The following RERE variants were observed in gnomAD, a reference collection of about 807,000 sequenced individuals.
RERE encodes the protein arginine-glutamic acid dipeptide repeats protein.
RERE carries 40 observed loss-of-function variants against 146.1 expected under a neutral mutation model. The observed-to-expected ratio is 0.27, with a 90% CI of 0.21 to 0.36. The LOEUF (loss-of-function observed/expected upper bound fraction) is 0.36, where lower values mean the gene tolerates loss of function less well. Ranked by LOEUF, RERE falls within the 10% of genes least tolerant of loss-of-function variation. RERE has a pLI of 1.00. For synonymous variants in RERE, 1,003 were observed against 866.0 expected, an observed-to-expected ratio of 1.16 and a Z score of -2.78; for missense variants, 1,933 against 2,138.7, an observed-to-expected ratio of 0.90 and a Z score of 1.90.
At chr1:8,470,335 T>G (rs999044104) in intron 10 of RERE, among the ~76,000 whole-genome samples, 4 of 152,172 alleles carry the variant, frequency 2.6e-5, no homozygotes, top group Admixed American at 6.5e-5. Flanking sequence ...TGATCTCGAC[T>G]CACTGCAACC....
rs1442543975 is a variant in RERE at position 8,360,186 on chromosome 1, G to A, written c.3321C>T (p.Pro1107=). ...ALDDAEEPES[P]PPPPRSPSPE... Reference sequence around the variant, plus strand: ...GGGACGGGCTCCTTGGTGGGGGAGGGGGGCTCTCAGGCTCCTCAGCGTCGT... The same window carrying A: ...GGGACGGGCTCCTTGGTGGGGGAGGAGGGCTCTCAGGCTCCTCAGCGTCGT... The change falls in exon 18 of 23, where the codon CCC becomes CCT. Residue 1107 remains proline (P), a synonymous_variant. Transcript: ENST00000400908. The A allele has an allele frequency of 1.3e-6, 2 of 1,597,668 alleles. No individual in the cohort carries two copies. The highest frequency in any genetic ancestry group is 1.7e-6 in the Non-Finnish European group (2 of 1,173,092).
chr1:8,764,324 C>T (rs567624332), intron 1 of RERE, among the ~76,000 whole-genome samples: 34 of 152,180 alleles, frequency 2.2e-4, no homozygotes, highest in Non-Finnish European at 3.8e-4. Flanking sequence ...GCCTTAGTGC[C>T]ATCGGGAAAA....
At chr1:8,765,539 C>T (rs1019065857) in intron 1 of RERE, among the ~76,000 whole-genome samples, 5 of 152,156 alleles carry the variant, frequency 3.3e-5, no homozygotes, top group Non-Finnish European at 7.3e-5. Flanking sequence ...AAACAAAAGG[C>T]CGGATGCGGT....
chr1:8,487,000 T>TAC (rs1299015483), intron 10 of RERE, among the ~76,000 whole-genome samples: 1 of 152,144 alleles, frequency 6.6e-6, no homozygotes, highest in East Asian at 1.9e-4. Context: ...GAAGGAAGAC[T>TAC]ACAACTCAGT....
At chr1:8,413,126 C>T (rs747746856) in intron 12 of RERE, among the ~76,000 whole-genome samples, 2 of 152,144 alleles carry the variant, frequency 1.3e-5, no homozygotes, top group African/African-American at 4.8e-5. Context: ...TGAACACACA[C>T]ACACATACTT....
At chr1:8,771,037 G>C (rs1196566446) in intron 1 of RERE, among the ~76,000 whole-genome samples, 3 of 151,840 alleles carry the variant, frequency 2.0e-5, no homozygotes, top group African/African-American at 7.3e-5. Flanking sequence ...ACAGTATGTA[G>C]AATAAAATCT....
In RERE at chr1:8,614,673, T is replaced by C. The variant is rs200113158; in HGVS notation, c.410A>G (p.Gln137Arg). The C allele has an allele frequency of 6.2e-7, 1 of 1,609,718 alleles. No homozygotes were observed. Among genetic ancestry groups the C allele is most frequent in the South Asian group, 1.1e-5 (1 of 90,346 alleles). Reference protein sequence around the residue: ...IQDFKLVHNSQACCRSPTPAL... With the variant: ...IQDFKLVHNSRACCRSPTPAL... ...AGGAGTTGGAGATCTGCAACAGGCC[T>C]GGGAGTTGTGGACCTAAAAAAGAAA... Residue 137 changes from glutamine to arginine, a missense_variant, in exon 4 of 23, where the codon CAG becomes CGG. Gln to Arg is a conservative substitution (Grantham distance 43, BLOSUM62 1). This residue lies in a region of RERE where 74 missense variants were observed against 99.6 expected (regional missense o/e 0.74). Transcript: ENST00000400908.
intron 11 of RERE, among the ~76,000 whole-genome samples, chr1:8,451,003 C>T (rs1015401752): frequency 5.9e-5 from 9 of 152,208 alleles, no homozygotes; most frequent in African/African-American, 2.2e-4. Flanking sequence ...ATTTACTGCA[C>T]AGCTACCATG....
At chr1:8,515,952 C>T (rs898780740) in intron 7 of RERE, among the ~76,000 whole-genome samples, 2 of 151,258 alleles carry the variant, frequency 1.3e-5, no homozygotes, top group Non-Finnish European at 3.0e-5. Flanking sequence ...TGCGGTGGCT[C>T]GTGCCTGTAA....
At chr1:8,679,866 T>C (rs1219376363) in intron 1 of RERE, among the ~76,000 whole-genome samples, 2 of 152,194 alleles carry the variant, frequency 1.3e-5, no homozygotes, top group African/African-American at 4.8e-5. Context: ...TTCACTGGTG[T>C]GATCTGCCAC....
At chr1:8,386,975 T>C (rs1446068606) in intron 12 of RERE, among the ~76,000 whole-genome samples, 1 of 152,188 alleles carries the variant, frequency 6.6e-6, no homozygotes, top group African/African-American at 2.4e-5. Context: ...GCTGGTTAGT[T>C]TGTGGAACAA....
At chr1:8,672,395 A>C (rs10864362) in intron 1 of RERE, among the ~76,000 whole-genome samples, 89,049 of 152,012 alleles carry the variant, frequency 0.59, 26,611 homozygotes, top group East Asian at 0.83. Context: ...GGCTAGTCTC[A>C]AACTCCTGAG....
chr1:8,362,503 C>G (rs1459445590), intron 16 of RERE, among the ~76,000 whole-genome samples, 180 bp downstream of exon 16: 1 of 152,210 alleles, frequency 6.6e-6, no homozygotes, highest in Non-Finnish European at 1.5e-5. Context: ...CTCGAGCCCC[C>G]TTCTCTAGGC....
At chr1:8,592,911 C>T (rs1219092393) in intron 4 of RERE, among the ~76,000 whole-genome samples, 4 of 152,158 alleles carry the variant, frequency 2.6e-5, no homozygotes, top group African/African-American at 9.7e-5. Context: ...TACCTACAAT[C>T]GCCATGTAAT....
At chr1:8,577,135 C>T (rs929069765) in intron 4 of RERE, among the ~76,000 whole-genome samples, 1 of 150,990 alleles carries the variant, frequency 6.6e-6, no homozygotes, top group African/African-American at 2.4e-5. Context: ...CGCCACTGCA[C>T]TCCAGCCTGG....
In RERE at chr1:8,719,158, C is replaced by T. The variant is rs899127572; in HGVS notation, c.-144-62717G>A. Among the ~76,000 whole-genome samples the T allele has an allele frequency of 7.2e-5, 11 of 151,940 alleles. 1 individual carries two copies. The highest frequency in any genetic ancestry group is 2.2e-4 in the African/African-American group (9 of 41,336). ...TATGTGAACTGGGAAGGAGTGTGTC[C>T]GGACAGATGCTCAGCTGGGTTCTGC... On this transcript the variant is annotated intron_variant, in intron 1 of 22. Coordinates refer to ENST00000400908, the MANE Select transcript of RERE (RefSeq NM_001042681.2).
In RERE at chr1:8,354,250, G is replaced by C. The variant is rs890590108; in HGVS notation, c.*837C>G. The C allele has an allele frequency of 1.3e-5, 2 of 152,570 alleles. No individual in the cohort carries two copies. The highest frequency in any genetic ancestry group is 2.9e-5 in the Non-Finnish European group (2 of 68,036). The allele number at this position is 152,570 out of a possible 1,614,324, so 9.5% of individuals were successfully genotyped here. ...GGAGCAGATGTCTGTGCTGCTGGCA[G>C]AGCACAGGCTAGGAGCAGACACAAG... On this transcript the variant is annotated 3_prime_UTR_variant, in exon 23 of 23. Coordinates refer to ENST00000400908, the MANE Select transcript of RERE (RefSeq NM_001042681.2).
chr1:8,591,642 A>C (rs1490142834), intron 4 of RERE, among the ~76,000 whole-genome samples: 2 of 152,100 alleles, frequency 1.3e-5, no homozygotes, highest in Admixed American at 1.3e-4. Flanking sequence ...TAAACCAAGA[A>C]GACTTAGGAG....
chr1:8,736,461 C>A (rs968166978), intron 1 of RERE, among the ~76,000 whole-genome samples: 2 of 152,150 alleles, frequency 1.3e-5, no homozygotes, highest in African/African-American at 2.4e-5. Context: ...CCCACCTCGG[C>A]CTCCCAAAGT....
Sources: allele counts gnomAD v4.1 joint callset (sites outside exome capture counted in the v4.1 genomes callset), GRCh38; gene constraint gnomAD v4.1.1; regional missense constraint gnomAD v4.1.1; transcripts MANE v1.5; gene names NCBI Gene and HGNC (gene_info 2026-07-23, HGNC 2026-07-21).